Variants in PAPSS2 observed in about 807,000 individuals in gnomAD.
PAPSS2 encodes the protein bifunctional 3'-phosphoadenosine 5'-phosphosulfate synthase 2.
In PAPSS2, 61 loss-of-function variants were observed where a neutral mutation model predicts 66.5. The ratio of observed to expected loss-of-function variants is 0.92; its 90% confidence interval spans 0.75 to 1.14. The LOEUF is 1.14. Among genes scored for constraint, PAPSS2 ranks in the 50% most tolerant of loss-of-function variants. The pLI, the probability that PAPSS2 is intolerant of heterozygous loss-of-function variation, is 0.00. For synonymous variants in PAPSS2, 289 were observed against 287.5 expected (o/e 1.01, Z -0.05); for missense variants, 708 against 789.6 (o/e 0.90, Z 1.24).
chr10:87,675,128 A>G, intron 1 of PAPSS2, among the ~76,000 whole-genome samples: 1 of 152,252 alleles, frequency 6.6e-6, no homozygotes, highest in East Asian at 1.9e-4. Flanking sequence ...TTAAAACACT[A>G]TTCAAATGAA....
intron 1 of PAPSS2, among the ~76,000 whole-genome samples, chr10:87,702,863 C>T (rs576029799): frequency 6.6e-6 from 1 of 152,262 alleles, no homozygotes; most frequent in South Asian, 2.1e-4. Flanking sequence ...TTGGATTTGG[C>T]TCTGGAAATG....
intron 11 of PAPSS2, among the ~76,000 whole-genome samples, 162 bp from the exon 12 acceptor site, chr10:87,744,840 T>C (rs561110721): frequency 1.1e-4 from 16 of 152,328 alleles, no homozygotes; most frequent in Non-Finnish European, 2.4e-4. Context: ...TAACAAAGCA[T>C]GAAGAGTGCA....
At chr10:87,723,307 A>G (rs916713032) in intron 8 of PAPSS2, among the ~76,000 whole-genome samples, 1 of 152,120 alleles carries the variant, frequency 6.6e-6, no homozygotes, top group Admixed American at 6.5e-5. Flanking sequence ...CTTTTCCTCA[A>G]CTAGACTATG....
intron 8 of PAPSS2, among the ~76,000 whole-genome samples, chr10:87,723,466 T>C (rs954079569): frequency 6.6e-6 from 1 of 152,134 alleles, no homozygotes; most frequent in Non-Finnish European, 1.5e-5. Flanking sequence ...ATGACACACA[T>C]AGTAAAAGGG....
At chr10:87,741,656 A>G (rs1177189146) in intron 10 of PAPSS2, among the ~76,000 whole-genome samples, 1 of 152,204 alleles carries the variant, frequency 6.6e-6, no homozygotes, top group African/African-American at 2.4e-5. Flanking sequence ...TGGCCTCCCA[A>G]AGTGCTGGGA....
intron 7 of PAPSS2, among the ~76,000 whole-genome samples, chr10:87,720,743 C>CA (rs34452823): frequency 2.3e-4 from 35 of 150,898 alleles, no homozygotes; most frequent in Non-Finnish European, 3.8e-4. Flanking sequence ...GTCCAAAAGC[C>CA]AAAAAAAAAC....
intron 7 of PAPSS2, 55 bp downstream of exon 7, chr10:87,715,898 T>C: frequency 8.6e-7 from 1 of 1,164,750 alleles, no homozygotes; most frequent in Non-Finnish European, 1.3e-6. Flanking sequence ...AAAAAAATCT[T>C]TCCCAGAAGT....
intron 1 of PAPSS2, among the ~76,000 whole-genome samples, chr10:87,694,565 C>A (rs1838861471): frequency 6.6e-6 from 1 of 152,132 alleles, no homozygotes; most frequent in African/African-American, 2.4e-5. Flanking sequence ...ACCAGAATGA[C>A]CAAGCTGTGT....
rs1007455687 is a variant in PAPSS2 at position 87,696,344 on chromosome 10, A to G, written c.28-12852A>G. Among the ~76,000 whole-genome samples the G allele has an allele frequency of 3.9e-5, 6 of 152,074 alleles. No individual in the cohort carries two copies. The South Asian group carries it at 6.2e-4, about 16-fold the overall frequency. ...TTTCTATTTCCTGGGCTCTCTCTAT[A>G]TGGAAAATTAAAGGCTATGTATGTT... On this transcript the variant is annotated intron_variant, in intron 1 of 12. Transcript: ENST00000456849.
intron 9 of PAPSS2, among the ~76,000 whole-genome samples, chr10:87,729,689 G>C (rs1156872194): frequency 6.6e-6 from 1 of 152,148 alleles, no homozygotes; most frequent in Admixed American, 6.5e-5. Context: ...GCTTAGTGAG[G>C]AAGGCATGTA....
intron 1 of PAPSS2, among the ~76,000 whole-genome samples, chr10:87,688,552 C>G (rs1041137212): frequency 6.6e-6 from 1 of 151,802 alleles, no homozygotes; most frequent in Non-Finnish European, 1.5e-5. Context: ...CTCCGCCCCC[C>G]GGGTTCATGC....
At chr10:87,672,319 T>C (rs953746101) in intron 1 of PAPSS2, among the ~76,000 whole-genome samples, 1 of 152,190 alleles carries the variant, frequency 6.6e-6, no homozygotes, top group Non-Finnish European at 1.5e-5. Context: ...TGTGAAACAT[T>C]ATATGGCTTC....
At chr10:87,744,618 T>G (rs1853913523) in intron 11 of PAPSS2, among the ~76,000 whole-genome samples, 1 of 152,218 alleles carries the variant, frequency 6.6e-6, no homozygotes, top group African/African-American at 2.4e-5. Context: ...TTAATGGCAG[T>G]CAGATAATGA....
intron 1 of PAPSS2, among the ~76,000 whole-genome samples, chr10:87,688,443 TTTTATTTATTTA>T (rs60199058): frequency 1.0e-4 from 14 of 138,126 alleles, no homozygotes; most frequent in South Asian, 2.4e-4. Flanking sequence ...TTCTTTTTTA[TTTTATTTATTTA>T]TTTATTTATT....
intron 2 of PAPSS2, among the ~76,000 whole-genome samples, chr10:87,712,524 T>C (rs1853474841): frequency 6.6e-6 from 1 of 152,326 alleles, no homozygotes; most frequent in Admixed American, 6.5e-5. Flanking sequence ...CCATCACGGC[T>C]CACTGCATGC....
intron 11 of PAPSS2, among the ~76,000 whole-genome samples, chr10:87,744,141 C>G (rs141847403): frequency 6.6e-6 from 1 of 152,108 alleles, no homozygotes; most frequent in Admixed American, 6.6e-5. Context: ...CAAATCAAAC[C>G]TATTATACAT....
chr10:87,704,064 C>G (rs534127719), intron 1 of PAPSS2: 1 of 490,300 alleles, frequency 2.0e-6, no homozygotes, highest in Non-Finnish European at 4.1e-6. Context: ...CACTCTGCCC[C>G]CTTGCAGTTC....
chr10:87,678,339 C>T (rs1271792797), intron 1 of PAPSS2, among the ~76,000 whole-genome samples: 1 of 152,076 alleles, frequency 6.6e-6, no homozygotes, highest in Non-Finnish European at 1.5e-5. Flanking sequence ...AACTTTAAAA[C>T]TACTAGAAGA....
At chr10:87,668,050 A>G (rs1195599122) in intron 1 of PAPSS2, among the ~76,000 whole-genome samples, 1 of 152,224 alleles carries the variant, frequency 6.6e-6, no homozygotes, top group East Asian at 1.9e-4. Context: ...TACCTGGAAG[A>G]AAATCCGAGA....
Sources: allele counts gnomAD v4.1 joint callset (sites outside exome capture counted in the v4.1 genomes callset), GRCh38; gene constraint gnomAD v4.1.1; transcripts MANE v1.5; gene names NCBI Gene and HGNC (gene_info 2026-07-23, HGNC 2026-07-21).